APBB3: variants seen among roughly 807,000 people sequenced by gnomAD.
The protein encoded by APBB3 is amyloid-beta A4 precursor protein-binding family B member 3.
A neutral mutation model predicts 61.5 loss-of-function variants in APBB3; 50 were observed. The observed-to-expected ratio is 0.81, with a 90% CI of 0.65 to 1.03. The LOEUF (loss-of-function observed/expected upper bound fraction) is 1.03. APBB3 is among the 50% of genes least tolerant of loss of function. The pLI is 0.00. For synonymous variants in APBB3, 235 were observed against 233.0 expected, an observed-to-expected ratio of 1.01 and a Z score of -0.08; for missense variants, 550 against 637.4, an observed-to-expected ratio of 0.86 and a Z score of 1.48.
At chr5:140,563,944 G>A (rs1755091826) in intron 1 of APBB3, 29 bp from the exon 2 acceptor site, 2 of 1,607,402 alleles carry the variant, frequency 1.2e-6, no homozygotes, top group Non-Finnish European at 8.5e-7. Flanking sequence ...AGAGAGGAGG[G>A]AGCATATGAT....
At chr5:140,563,966 G>T in intron 1 of APBB3, 51 bp from the exon 2 acceptor site, 2 of 1,594,510 alleles carry the variant, frequency 1.3e-6, no homozygotes, top group South Asian at 1.1e-5. Flanking sequence ...TGTGAGTTCA[G>T]AATAACATGC....
chr5:140,558,645 C>G lies in APBB3; in HGVS notation c.1401G>C (p.Arg467=), dbSNP rs1754804804. The change falls in exon 13 of 13, where the codon CGG becomes CGC. Residue 467 remains arginine, a synonymous_variant. Transcript: ENST00000357560. The part of the protein sequence containing the change: ...VGGAGATPRK[R]GVFSFLDAFR... Reference sequence around the variant, plus strand: ...AGGCATCAAGAAAAGAGAAGACACCCCGCTTTCGAGGGGTTGCCCCTGCAC... The same window carrying G: ...AGGCATCAAGAAAAGAGAAGACACCGCGCTTTCGAGGGGTTGCCCCTGCAC... 1 of 1,614,052 alleles carries G rather than the reference C, an allele frequency of 6.2e-7. No individual in the cohort carries two copies. Among genetic ancestry groups the G allele is most frequent in the African/African-American group, 1.3e-5 (1 of 74,924 alleles).
chr5:140,560,706 T>A lies in APBB3; in HGVS notation c.965A>T (p.Asp322Val). ...CATGGTGGGGACCCAGGCATTCCGG[T>A]CCCCCCTGGCGGTGAGGGTACCAAT... Reference protein sequence around the residue: ...EAIGTLTARGDRNAWVPTMLS... With the variant: ...EAIGTLTARGVRNAWVPTMLS... Residue 322 changes from aspartate (D) to valine (V), a missense_variant, in exon 11 of 13, where the codon GAC becomes GTC. Physicochemically the swap from Asp to Val is radical, Grantham distance 152 (BLOSUM62 -3). Transcript: ENST00000357560. This position sits in a 1 kb window ranked among gnomAD's most constrained non-coding sequence, Gnocchi z 5.1. 2 of 1,613,916 alleles carry A rather than the reference T, an allele frequency of 1.2e-6. No individual in the cohort carries two copies. Among genetic ancestry groups the A allele is most frequent in the Non-Finnish European group, 1.7e-6 (2 of 1,179,970 alleles).
At position 140,561,898 on chromosome 5, in the gene APBB3, C is replaced by G. The variant is rs374008531; in HGVS notation, c.627-49G>C. ...ACAGAAGGGAATCAGCCCAGCCTCT[C>G]GGACTCTCCCCAAACTGTCCCTGCT... On this transcript the variant is annotated intron_variant, in intron 6 of 12. Coordinates refer to ENST00000357560, the MANE Select transcript of APBB3 (RefSeq NM_133173.3). 2.5e-6 allele frequency: 4 copies of G among 1,613,148 alleles called. No homozygotes were observed. In the Admixed American group the frequency reaches 6.7e-5, roughly 27 times the overall value.
In APBB3 at chr5:140,560,040, C is replaced by G. The variant is rs1162170059; in HGVS notation, c.1224+273G>C. On this transcript the variant is annotated intron_variant, in intron 12 of 12. Transcript: ENST00000357560. This position sits in a 1 kb window ranked among gnomAD's most constrained non-coding sequence, Gnocchi z 5.1. ...GGGCACAGCTTCTGCACAACTCTGGCTGCATGCTGACACTTACACGTGTGA... is the reference window on the plus strand; with the variant it reads ...GGGCACAGCTTCTGCACAACTCTGGGTGCATGCTGACACTTACACGTGTGA... Among the ~76,000 whole-genome samples, 1 of 152,232 alleles carries G rather than the reference C, an allele frequency of 6.6e-6. No individual in the cohort carries two copies. Among genetic ancestry groups the G allele is most frequent in the Non-Finnish European group, 1.5e-5 (1 of 68,040 alleles).
At position 140,560,003 on chromosome 5, in the gene APBB3, G is replaced by A. The variant is rs564090515; in HGVS notation, c.1224+310C>T. On this transcript the variant is annotated intron_variant, in intron 12 of 12. Transcript: ENST00000357560. This position sits in a 1 kb window ranked among gnomAD's most constrained non-coding sequence, Gnocchi z 5.1. ...CCTAAATGAGACAAACAGGAACAAT[G>A]CCAACTCTTTAGGGCACAGCTTCTG... is the stretch of plus-strand genomic sequence containing the variant. Among the ~76,000 whole-genome samples, 3 of 152,210 alleles carry A rather than the reference G, an allele frequency of 2.0e-5. No homozygotes were observed. The highest frequency in any genetic ancestry group is 1.5e-5 in the Non-Finnish European group (1 of 68,036).
At chr5:140,561,342 A>C (rs1454658112) in intron 9 of APBB3, 23 bp downstream of exon 9, 1 of 1,613,472 alleles carries the variant, frequency 6.2e-7, no homozygotes, top group African/African-American at 1.3e-5. Context: ...CAATGCAGCA[A>C]TGCAGGTCTC....
chr5:140,559,235 C>T (rs1005412262), intron 12 of APBB3, among the ~76,000 whole-genome samples: 25 of 152,178 alleles, frequency 1.6e-4, no homozygotes, highest in Admixed American at 1.2e-3. Flanking sequence ...TTTTCCATCT[C>T]TCACTGGTGG....
chr5:140,561,170 G>T, intron 9 of APBB3, 69 bp from the exon 10 acceptor site: 1 of 1,574,182 alleles, frequency 6.4e-7, no homozygotes, highest in Non-Finnish European at 8.7e-7. Flanking sequence ...TTCTCAATGG[G>T]CCAGGACTCA....
Position 140,560,725 on chromosome 5 carries a change from T to A in APBB3, c.946A>T (p.Thr316Ser). 6.2e-7 allele frequency: 1 copy of A among 1,614,072 alleles called. No individual in the cohort carries two copies. Among genetic ancestry groups the A allele is most frequent in the East Asian group, 2.2e-5 (1 of 44,866 alleles). The change falls in exon 11 of 13, where the codon ACC (threonine) becomes TCC (serine). Residue 316 changes from threonine to serine, a missense_variant. This residue lies in a region of APBB3 where 405 missense variants were observed against 483.4 expected (regional missense o/e 0.84). Coordinates refer to ENST00000357560, the MANE Select transcript of APBB3 (RefSeq NM_133173.3). This position sits in a 1 kb window ranked among gnomAD's most constrained non-coding sequence, Gnocchi z 5.1. ...TTCCGGTCCCCCCTGGCGGTGAGGG[T>A]ACCAATGGCCTCGTTCAGCACATCC... ...GMDVLNEAIG[T>S]LTARGDRNAW...
chr5:140,563,877 C>G lies in APBB3; in HGVS notation c.88G>C (p.Gly30Arg), dbSNP rs1194388386. ...ATCTTCCTCCAGCCAGGAGGCAGGC[C>G]AGCCTCCACCTCCAGACTGTGGTCC... ...WGDHSLEVEA[G>R]LPPGWRKIHD... Residue 30 changes from glycine (G) to arginine (R), a missense_variant, in exon 2 of 13, where the codon GGC becomes CGC. Physicochemically the swap from Gly to Arg is moderately radical, Grantham distance 125 (BLOSUM62 -2). Around this residue, in one of 3 missense-constraint regions of APBB3, gnomAD observed 405 missense variants for 483.4 expected, o/e 0.84. Coordinates refer to ENST00000357560, the MANE Select transcript of APBB3 (RefSeq NM_133173.3). 1.2e-6 allele frequency: 2 copies of G among 1,614,010 alleles called. No homozygotes were observed. The highest frequency in any genetic ancestry group is 2.7e-5 in the African/African-American group (2 of 74,908).
chr5:140,561,034 T>G lies in APBB3; in HGVS notation c.900A>C (p.Pro300=). The change falls in exon 10 of 13, where the codon CCA becomes CCC. Residue 300 remains proline, a synonymous_variant. Transcript: ENST00000357560. The part of the protein sequence containing the change: ...KYEALYMGTL[P]VTKAMGMDVL... ...AGTCCTCACCCATGGCCTTGGTGAC[T>G]GGCAGTGTCCCCATATACAGTGCCT... 6.2e-7 allele frequency: 1 copy of G among 1,613,520 alleles called. No homozygotes were observed. The highest frequency in any genetic ancestry group is 2.2e-5 in the East Asian group (1 of 44,876).
rs1294046308 is a variant in APBB3, at chr5:140,561,072, C to T, written c.862G>A (p.Ala288Thr). The T allele has an allele frequency of 4.3e-6, 7 of 1,613,916 alleles. No homozygotes were observed. Among genetic ancestry groups the T allele is most frequent in the Admixed American group, 1.7e-5 (1 of 60,008 alleles). Residue 288 changes from alanine (A) to threonine (T), a missense_variant, in exon 10 of 13, where the codon GCT becomes ACT. Coordinates refer to ENST00000357560, the MANE Select transcript of APBB3 (RefSeq NM_133173.3). ...VELLDAVSQA[A>T]QKYEALYMGT... is the part of the protein sequence containing the mutation. Reference sequence around the variant, plus strand: ...ATATACAGTGCCTCGTACTTCTGAGCAGCTTGGCTTACCGCATCCAGCAGC... The same window carrying T: ...ATATACAGTGCCTCGTACTTCTGAGTAGCTTGGCTTACCGCATCCAGCAGC...
rs73267682 is a variant in APBB3 at position 140,560,605 on chromosome 5, C to T, written c.1032+34G>A. ...GACCCCTCAGCATCCCTGCTCACCC[C>T]TCCAAAGCCCCCAACTTCACCCTCT... On this transcript the variant is annotated intron_variant, in intron 11 of 12. Coordinates refer to ENST00000357560, the MANE Select transcript of APBB3 (RefSeq NM_133173.3). The surrounding 1 kb of genome is among the most constrained non-coding windows in gnomAD (Gnocchi z 5.1). 5.4e-4 allele frequency: 870 copies of T among 1,612,370 alleles called. 2 individuals carry two copies. In the African/African-American group the frequency reaches 0.01, roughly 19 times the overall value.
intron 12 of APBB3, among the ~76,000 whole-genome samples, chr5:140,559,264 G>T (rs1373678700): frequency 2.6e-5 from 4 of 152,152 alleles, no homozygotes; most frequent in Non-Finnish European, 5.9e-5. Flanking sequence ...CCCTGGCAAA[G>T]CAGATTCCCT....
At chr5:140,563,343 G>A in intron 3 of APBB3, 1 of 557,204 alleles carries the variant, frequency 1.8e-6, no homozygotes, top group Non-Finnish European at 3.2e-6. Context: ...GGACTTAATG[G>A]CCAAGGTCTA....
rs1417267984 is a variant in APBB3, at chr5:140,560,883, G to T, written c.917-129C>A. ...TAGCTGGGGCAAGCCTTAGAATTCT[G>T]ATTTGGGAAGGCTGGTAGACCCCAG... On this transcript the variant is annotated intron_variant, in intron 10 of 12. Coordinates refer to ENST00000357560, the MANE Select transcript of APBB3 (RefSeq NM_133173.3). This position sits in a 1 kb window ranked among gnomAD's most constrained non-coding sequence, Gnocchi z 5.1. The T allele has an allele frequency of 4.4e-6, 6 of 1,377,582 alleles. No individual in the cohort carries two copies. Among genetic ancestry groups the T allele is most frequent in the Non-Finnish European group, 6.1e-6 (6 of 988,026 alleles). 85.3% of individuals were successfully genotyped at this position (1,377,582 alleles called of 1,614,324 possible).
In APBB3 at chr5:140,560,662, G is replaced by A. The variant is rs1377005415; in HGVS notation, c.1009C>T (p.Leu337Phe). ...ACCTGAATGGGGTGTGCAGTCATGA[G>A]AGAGTCAGACACACTGAGCATGGTG... is the stretch of plus-strand genomic sequence containing the variant. ...VPTMLSVSDS[L>F]MTAHPIQAEA... The change falls in exon 11 of 13, where the codon CTC becomes TTC. Residue 337 changes from leucine to phenylalanine, a missense_variant. By Grantham distance (22) the Leu-to-Phe change is conservative (BLOSUM62 0). This residue lies in a region of APBB3 where 405 missense variants were observed against 483.4 expected (regional missense o/e 0.84). Transcript: ENST00000357560. The surrounding 1 kb of genome is among the most constrained non-coding windows in gnomAD (Gnocchi z 5.1). The A allele has an allele frequency of 5.0e-6, 8 of 1,614,052 alleles. No homozygotes were observed. In the East Asian group the frequency reaches 1.1e-4, roughly 22 times the overall value.
In APBB3 at chr5:140,562,383, C is replaced by T. The variant is rs759533876; in HGVS notation, c.468G>A (p.Arg156=). 4 of 1,614,082 alleles carry T rather than the reference C, an allele frequency of 2.5e-6. No individual in the cohort carries two copies. In the African/African-American group the frequency reaches 5.3e-5, roughly 22 times the overall value. ...CCCAGGCACCATCTGGAGGCTGGCT[C>T]CGGCTGCGGGTCTGGGCCAGCTGCT... is the stretch of plus-strand genomic sequence containing the variant. The part of the protein sequence containing the change: ...CIQQLAQTRS[R]SQPPDGAWGE... The change falls in exon 5 of 13, where the codon CGG becomes CGA. Residue 156 remains arginine (R), a synonymous_variant. Coordinates refer to ENST00000357560, the MANE Select transcript of APBB3 (RefSeq NM_133173.3).
Sources: allele counts gnomAD v4.1 joint callset (sites outside exome capture counted in the v4.1 genomes callset), GRCh38; gene constraint gnomAD v4.1.1; regional missense constraint gnomAD v4.1.1; non-coding constraint Gnocchi (gnomAD v3.1); transcripts MANE v1.5; gene names NCBI Gene and HGNC (gene_info 2026-07-23, HGNC 2026-07-21).